KRABD2: variants seen among roughly 807,000 people sequenced by gnomAD.
The protein encoded by KRABD2 is KRAB domain containing 2, also known as KRAB domain-containing protein 2.
At chr17:8,376,617 G>A in the KRABD2 span, 2 of 985,838 alleles carry the variant, frequency 2.0e-6, no homozygotes, top group Non-Finnish European at 2.4e-6. Flanking sequence ...AAGAGCTGCA[G>A]ACTGAGGAAG....
At chr17:8,370,265 TAC>T in the KRABD2 span, 1 of 1,613,664 alleles carries the variant, frequency 6.2e-7, no homozygotes, top group Admixed American at 1.7e-5. Flanking sequence ...CTAACTTTGT[TAC>T]ACTCATAAGA....
At chr17:8,367,747 C>T in the KRABD2 span, among the ~76,000 whole-genome samples, 1 of 151,534 alleles carries the variant, frequency 6.6e-6, no homozygotes, top group Non-Finnish European at 1.5e-5. Context: ...TGTTTGTGTC[C>T]CTGGGTACTT....
chr17:8,370,565 C>A, the KRABD2 span, among the ~76,000 whole-genome samples: 3 of 152,192 alleles, frequency 2.0e-5, no homozygotes, highest in Admixed American at 6.5e-5. Flanking sequence ...CATCCAAAAC[C>A]ACAGCATAGC....
At chr17:8,360,597 T>C in the KRABD2 span, among the ~76,000 whole-genome samples, 1 of 152,182 alleles carries the variant, frequency 6.6e-6, no homozygotes, top group Non-Finnish European at 1.5e-5. Flanking sequence ...TTCTGAAGAT[T>C]CCAGGGACAA....
At chr17:8,374,742 C>A in the KRABD2 span, among the ~76,000 whole-genome samples, 2 of 149,862 alleles carry the variant, frequency 1.3e-5, no homozygotes, top group African/African-American at 4.9e-5. Flanking sequence ...GTCAGGAGAT[C>A]GAGACCATCC....
At chr17:8,363,177 G>A in the KRABD2 span, among the ~76,000 whole-genome samples, 1 of 152,058 alleles carries the variant, frequency 6.6e-6, no homozygotes, top group Non-Finnish European at 1.5e-5. Flanking sequence ...TAGAACTAGT[G>A]GAATACAGAA....
At chr17:8,374,060 C>T in the KRABD2 span, among the ~76,000 whole-genome samples, 2 of 150,318 alleles carry the variant, frequency 1.3e-5, no homozygotes, top group East Asian at 2.0e-4. Flanking sequence ...AGCCCCCGCC[C>T]GGCCGGCCGC....
chr17:8,361,758 C>A, the KRABD2 span, among the ~76,000 whole-genome samples: 1 of 152,110 alleles, frequency 6.6e-6, no homozygotes, highest in African/African-American at 2.4e-5. Flanking sequence ...GGTGTCGAAC[C>A]CTGTGGCTCA....
At chr17:8,372,812 C>T in the KRABD2 span, among the ~76,000 whole-genome samples, 377 of 152,196 alleles carry the variant, frequency 2.5e-3, 3 homozygotes, top group African/African-American at 8.6e-3. This position sits in a 1 kb window ranked among gnomAD's most constrained non-coding sequence, Gnocchi z 4.1. Context: ...GCCTGTAATC[C>T]TAACACTTTG....
the KRABD2 span, chr17:8,372,133 A>C: frequency 2.1e-6 from 2 of 963,726 alleles, no homozygotes; most frequent in Non-Finnish European, 2.5e-6. This position sits in a 1 kb window ranked among gnomAD's most constrained non-coding sequence, Gnocchi z 4.1. Flanking sequence ...CAAGAGTCTC[A>C]GTTAAGTGGG....
At chr17:8,359,127 C>T in the KRABD2 span, among the ~76,000 whole-genome samples, 1 of 152,134 alleles carries the variant, frequency 6.6e-6, no homozygotes, top group East Asian at 1.9e-4. Flanking sequence ...GCTGAATGCC[C>T]CTCAATCTGG....
the KRABD2 span, among the ~76,000 whole-genome samples, chr17:8,364,996 T>C: frequency 3.3e-5 from 5 of 151,830 alleles, no homozygotes; most frequent in Non-Finnish European, 7.4e-5. The surrounding 1 kb of genome is among the most constrained non-coding windows in gnomAD (Gnocchi z 4.4). Context: ...ATCACGCCAT[T>C]GCACTCCAGC....
the KRABD2 span, chr17:8,371,496 T>G: frequency 6.2e-7 from 1 of 1,609,038 alleles, no homozygotes; most frequent in Non-Finnish European, 8.5e-7. Context: ...TCAGCAGGAC[T>G]GGGGAAGAGA....
chr17:8,369,844 TAA>T, the KRABD2 span: 1 of 1,614,222 alleles, frequency 6.2e-7, no homozygotes, highest in South Asian at 1.1e-5. Flanking sequence ...TCTATGTCCT[TAA>T]AAGTCATGGG....
chr17:8,365,851 G>C, the KRABD2 span: 1 of 152,352 alleles, frequency 6.6e-6, no homozygotes, highest in Non-Finnish European at 1.5e-5. Context: ...AAGACCGGCC[G>C]GGCGAGTGGC....
chr17:8,364,660 G>A, the KRABD2 span, among the ~76,000 whole-genome samples: 3 of 152,136 alleles, frequency 2.0e-5, no homozygotes, highest in Admixed American at 6.5e-5. The surrounding 1 kb of genome is among the most constrained non-coding windows in gnomAD (Gnocchi z 4.4). Flanking sequence ...CACATATGCC[G>A]AGTTCTCAAG....
chr17:8,361,773 ATCC>A, the KRABD2 span, among the ~76,000 whole-genome samples: 3 of 151,266 alleles, frequency 2.0e-5, no homozygotes, highest in African/African-American at 7.2e-5. Context: ...GGCTCAAGCA[ATCC>A]TCCTGCCTCA....
chr17:8,371,311 T>C, the KRABD2 span: 1 of 1,602,360 alleles, frequency 6.2e-7, no homozygotes, highest in Non-Finnish European at 8.5e-7. Context: ...GCCCTTACCC[T>C]GTGGGACCGT....
the KRABD2 span, among the ~76,000 whole-genome samples, chr17:8,366,761 G>A: frequency 4.6e-5 from 7 of 150,752 alleles, no homozygotes; most frequent in African/African-American, 1.2e-4. Flanking sequence ...TTGCTCTGTC[G>A]CCCAGGCTGG....
Sources: allele counts gnomAD v4.1 joint callset (sites outside exome capture counted in the v4.1 genomes callset), GRCh38; gene constraint gnomAD v4.1.1; non-coding constraint Gnocchi (gnomAD v3.1); transcripts MANE v1.5; gene names NCBI Gene and HGNC (gene_info 2026-07-23, HGNC 2026-07-21).